The following ASTN2 variants were observed in gnomAD, a reference collection of about 807,000 sequenced individuals.
The protein encoded by ASTN2 is astrotactin-2.
In ASTN2, 54 loss-of-function variants were observed where a neutral mutation model predicts 139.8. That is an observed-to-expected ratio of 0.39 (90% CI 0.31 to 0.48). The LOEUF is 0.48. Among genes scored for constraint, ASTN2 ranks in the 20% least tolerant of loss-of-function variants. The pLI is 0.95. For synonymous variants in ASTN2, 756 were observed against 719.5 expected, an observed-to-expected ratio of 1.05 and a Z score of -0.81; for missense variants, 1,565 against 1,725.1, an observed-to-expected ratio of 0.91 and a Z score of 1.64.
In ASTN2 at chr9:117,152,218, C is replaced by T. The variant is rs190208875; in HGVS notation, c.1016-10740G>A. Among the ~76,000 whole-genome samples, 197 of 152,260 alleles carry T rather than the reference C, an allele frequency of 1.3e-3. 4 individuals are homozygous for T. In the Middle Eastern group the frequency reaches 0.061, roughly 47 times the overall value. ...ATCAACTAATTAAAGCATTTATTATCATTATTGTTATCCGGCTTAACCTAG... is the reference window on the plus strand; with the variant it reads ...ATCAACTAATTAAAGCATTTATTATTATTATTGTTATCCGGCTTAACCTAG... On this transcript the variant is annotated intron_variant, in intron 3 of 22. Transcript: ENST00000313400.
chr9:116,452,675 C>T (rs562926608), intron 20 of ASTN2, among the ~76,000 whole-genome samples: 4 of 152,272 alleles, frequency 2.6e-5, no homozygotes, highest in East Asian at 1.9e-4. Flanking sequence ...CCCAAGGCTA[C>T]AGATATAGTA....
intron 7 of ASTN2, among the ~76,000 whole-genome samples, chr9:116,987,470 C>T (rs1564372197): frequency 6.6e-6 from 1 of 152,186 alleles, no homozygotes; most frequent in East Asian, 1.9e-4. Context: ...TCTCTCTCTC[C>T]TGATCTGCCA....
chr9:117,127,110 A>G (rs1022895478), intron 4 of ASTN2, among the ~76,000 whole-genome samples: 3 of 152,218 alleles, frequency 2.0e-5, no homozygotes, highest in African/African-American at 7.2e-5. Flanking sequence ...TGATCTAAGA[A>G]TGAGGCCAAA....
chr9:116,754,333 G>A (rs1343234442), intron 13 of ASTN2, among the ~76,000 whole-genome samples: 1 of 152,078 alleles, frequency 6.6e-6, no homozygotes, highest in East Asian at 1.9e-4. Context: ...CCCAGTAATG[G>A]GATTGCTGGG....
intron 9 of ASTN2, among the ~76,000 whole-genome samples, chr9:116,975,874 C>T (rs1360878290): frequency 6.6e-6 from 1 of 152,160 alleles, no homozygotes; most frequent in Non-Finnish European, 1.5e-5. Context: ...ACTTAATAAT[C>T]AGTAATGTCT....
intron 5 of ASTN2, among the ~76,000 whole-genome samples, chr9:117,053,856 G>A (rs1163723508): frequency 6.6e-6 from 1 of 152,266 alleles, no homozygotes; most frequent in South Asian, 2.1e-4. Context: ...CCCATCTCCA[G>A]ATCCTTAAAT....
intron 11 of ASTN2, among the ~76,000 whole-genome samples, chr9:116,850,688 A>T (rs1832574042): frequency 6.6e-6 from 1 of 152,194 alleles, no homozygotes; most frequent in South Asian, 2.1e-4. Context: ...CCCCCTGCCT[A>T]AAAGGTTCTC....
Position 117,017,490 on chromosome 9 carries a change from C to T in ASTN2, c.1424-9231G>A, listed in dbSNP as rs80013331. Among the ~76,000 whole-genome samples, 17 of 152,254 alleles carry T rather than the reference C, an allele frequency of 1.1e-4. No individual in the cohort carries two copies. The East Asian group carries it at 2.9e-3, about 26-fold the overall frequency. ...GATGGAAACTTTGATAGGAGTCTAA[C>T]GGGAACAGATTAAATCTGGCCCAGC... On this transcript the variant is annotated intron_variant, in intron 6 of 22. Coordinates refer to ENST00000313400, the MANE Select transcript of ASTN2 (RefSeq NM_001365068.1).
intron 19 of ASTN2, among the ~76,000 whole-genome samples, chr9:116,550,429 C>T (rs758719758): frequency 6.6e-6 from 1 of 152,146 alleles, no homozygotes; most frequent in Non-Finnish European, 1.5e-5. Flanking sequence ...AGTTACTTTG[C>T]TGTTGTCATG....
intron 19 of ASTN2, among the ~76,000 whole-genome samples, chr9:116,539,961 T>C (rs756335344): frequency 3.3e-5 from 5 of 152,100 alleles, no homozygotes; most frequent in African/African-American, 4.8e-5. Context: ...TAAGAAACCA[T>C]TGGGTTATAG....
At chr9:117,335,675 C>G (rs1828859275) in intron 1 of ASTN2, among the ~76,000 whole-genome samples, 2 of 152,060 alleles carry the variant, frequency 1.3e-5, no homozygotes, top group African/African-American at 4.8e-5. Context: ...TTGTTCTTCA[C>G]TGAATGAGGA....
intron 19 of ASTN2, among the ~76,000 whole-genome samples, chr9:116,531,700 C>A (rs1462650988): frequency 3.3e-5 from 5 of 152,076 alleles, no homozygotes; most frequent in Non-Finnish European, 4.4e-5. Context: ...TGAACTCATC[C>A]TTTTTTATGG....
At chr9:116,494,677 T>A (rs867198156) in intron 19 of ASTN2, among the ~76,000 whole-genome samples, 9 of 152,234 alleles carry the variant, frequency 5.9e-5, no homozygotes, top group Non-Finnish European at 1.3e-4. Context: ...AAACAATCCA[T>A]CTTGCTTAAA....
At chr9:116,824,101 T>C (rs1300376367) in intron 11 of ASTN2, among the ~76,000 whole-genome samples, 1 of 152,178 alleles carries the variant, frequency 6.6e-6, no homozygotes, top group Admixed American at 6.5e-5. Context: ...ATCTGTGTAT[T>C]AACTTTGGAT....
chr9:116,952,428 T>G (rs2132488514), intron 10 of ASTN2, among the ~76,000 whole-genome samples: 1 of 152,254 alleles, frequency 6.6e-6, no homozygotes, highest in East Asian at 1.9e-4. Flanking sequence ...CATTTCCTGG[T>G]GAAGAAGAAA....
intron 1 of ASTN2, among the ~76,000 whole-genome samples, chr9:117,408,348 G>C (rs1327343785): frequency 1.3e-5 from 2 of 152,114 alleles, no homozygotes; most frequent in Non-Finnish European, 1.5e-5. Context: ...CTAGGCCTCA[G>C]TGTTACCATA....
At chr9:116,757,054 C>A (rs969260089) in intron 13 of ASTN2, among the ~76,000 whole-genome samples, 1 of 152,194 alleles carries the variant, frequency 6.6e-6, no homozygotes, top group African/African-American at 2.4e-5. Flanking sequence ...TGTTTCCTGT[C>A]CACAGGCCAG....
chr9:117,064,485 T>C (rs1184362667), intron 5 of ASTN2, among the ~76,000 whole-genome samples: 1 of 152,190 alleles, frequency 6.6e-6, no homozygotes, highest in Admixed American at 6.5e-5. Flanking sequence ...CTTCTCAACA[T>C]AGAATGCCTT....
At chr9:116,953,223 T>A (rs1011757263) in intron 10 of ASTN2, among the ~76,000 whole-genome samples, 2 of 152,198 alleles carry the variant, frequency 1.3e-5, no homozygotes, top group African/African-American at 4.8e-5. Context: ...ATTATCACAT[T>A]TTACTGATAA....
Sources: gnomAD v4.1 joint callset for allele counts (sites outside exome capture counted in the v4.1 genomes callset) on GRCh38, gnomAD v4.1.1 for gene constraint, MANE v1.5 for transcripts, NCBI Gene and HGNC (gene_info 2026-07-23, HGNC 2026-07-21) for gene names.